CELF4: variants seen among roughly 807,000 people sequenced by gnomAD.
The protein encoded by CELF4 is CUGBP Elav-like family member 4, also known as CUG-BP- and ETR-3-like factor 4.
A neutral mutation model predicts 59.9 loss-of-function variants in CELF4; 18 were observed. The observed-to-expected ratio is 0.30, with a 90% CI of 0.21 to 0.45. CELF4 has a LOEUF of 0.45. Ranked by LOEUF, CELF4 falls within the 20% of genes least tolerant of loss-of-function variation. The pLI is 1.00. For missense variants in CELF4, 456 were observed against 689.0 expected (o/e 0.66, Z 3.79); for synonymous variants, 261 against 267.1 (o/e 0.98, Z 0.22).
chr18:37,340,682 T>C (rs1569566964), intron 2 of CELF4, among the ~76,000 whole-genome samples: 1 of 152,182 alleles, frequency 6.6e-6, no homozygotes, highest in South Asian at 2.1e-4. Flanking sequence ...CAGAGGTGTG[T>C]TGGGTTTTCT....
chr18:37,390,316 G>A (rs547021936), intron 2 of CELF4, among the ~76,000 whole-genome samples: 2 of 152,208 alleles, frequency 1.3e-5, no homozygotes, highest in Non-Finnish European at 2.9e-5. Context: ...CTGGGGATGA[G>A]AGAACTGGGA....
At chr18:37,414,915 C>A (rs1255299046) in intron 2 of CELF4, among the ~76,000 whole-genome samples, 1 of 152,190 alleles carries the variant, frequency 6.6e-6, no homozygotes, top group African/African-American at 2.4e-5. Flanking sequence ...TATCCATCTC[C>A]CCACTCATCC....
chr18:37,549,105 C>T (rs2099982342), intron 1 of CELF4, among the ~76,000 whole-genome samples: 1 of 152,242 alleles, frequency 6.6e-6, no homozygotes, highest in African/African-American at 2.4e-5. Flanking sequence ...AGGAAGCAGA[C>T]TACCCTTCTC....
At chr18:37,283,388 C>A (rs1363749531) in intron 3 of CELF4, among the ~76,000 whole-genome samples, 1 of 152,106 alleles carries the variant, frequency 6.6e-6, no homozygotes, top group Non-Finnish European at 1.5e-5. Context: ...ACTCTGAGAA[C>A]AAGCCAAGTC....
chr18:37,510,339 G>A (rs763429149), intron 1 of CELF4, among the ~76,000 whole-genome samples: 5 of 152,170 alleles, frequency 3.3e-5, no homozygotes, highest in Non-Finnish European at 7.3e-5. Flanking sequence ...GACCCAGCTG[G>A]CCAATCTGCT....
At chr18:37,317,964 C>T (rs1011412434) in intron 3 of CELF4, among the ~76,000 whole-genome samples, 3 of 152,236 alleles carry the variant, frequency 2.0e-5, no homozygotes, top group African/African-American at 7.2e-5. Flanking sequence ...CAGTGGGCTG[C>T]AGCCTGCTCT....
At chr18:37,370,934 C>A (rs11662208) in intron 2 of CELF4, among the ~76,000 whole-genome samples, 373 of 152,290 alleles carry the variant, frequency 2.4e-3, no homozygotes, top group Non-Finnish European at 3.9e-3. Context: ...GGATGTCACA[C>A]GTGTCTTCAA....
intron 2 of CELF4, among the ~76,000 whole-genome samples, chr18:37,414,313 C>T (rs75387099): frequency 0.017 from 2,646 of 151,626 alleles, 78 homozygotes; most frequent in African/African-American, 0.06. Flanking sequence ...CATCTACCCA[C>T]CTACCCATTC....
intron 2 of CELF4, among the ~76,000 whole-genome samples, chr18:37,346,232 C>T (rs2098254517): frequency 6.6e-6 from 1 of 152,212 alleles, no homozygotes; most frequent in Non-Finnish European, 1.5e-5. Flanking sequence ...TGCATTCCGG[C>T]ATCACTTTAG....
At chr18:37,339,403 G>A (rs1453726013) in intron 2 of CELF4, among the ~76,000 whole-genome samples, 1 of 152,214 alleles carries the variant, frequency 6.6e-6, no homozygotes, top group African/African-American at 2.4e-5. Context: ...CAGATGGATA[G>A]GTGGATGCAT....
In CELF4 at chr18:37,530,199, G is replaced by A. The variant is rs373175140; in HGVS notation, c.286+35157C>T. Among the ~76,000 whole-genome samples the A allele has an allele frequency of 1.8e-4, 28 of 152,276 alleles. No homozygotes were observed. In the East Asian group the frequency reaches 2.7e-3, roughly 15 times the overall value. ...CATAATAAGACTGACATGTACACAG[G>A]TTCTTCATACAGGTGATTTCATTTA... On this transcript the variant is annotated intron_variant, in intron 1 of 12. Transcript: ENST00000420428.
rs1217369448 is a variant in CELF4, at chr18:37,543,696, T to A, written c.286+21660A>T. On this transcript the variant is annotated intron_variant, in intron 1 of 12. Transcript: ENST00000420428. ...CTGGGGAGTGGGAATATGGGTGTCC[T>A]CTTCTTGCTACATTGTCATCTTGTT... Among the ~76,000 whole-genome samples the A allele has an allele frequency of 2.0e-5, 3 of 152,244 alleles. No homozygotes were observed. The East Asian group carries it at 5.8e-4, about 29-fold the overall frequency.
intron 2 of CELF4, among the ~76,000 whole-genome samples, chr18:37,345,771 G>A (rs548478557): frequency 2.1e-4 from 32 of 152,128 alleles, no homozygotes; most frequent in Admixed American, 1.2e-3. Flanking sequence ...GGAGGCTGGG[G>A]ACCCCTGATA....
chr18:37,478,950 G>T (rs1184685555), intron 2 of CELF4, among the ~76,000 whole-genome samples: 1 of 152,186 alleles, frequency 6.6e-6, no homozygotes, highest in East Asian at 1.9e-4. Context: ...GGTATGGGCT[G>T]GAGAAATGCC....
chr18:37,406,367 G>A (rs2099389315), intron 2 of CELF4, among the ~76,000 whole-genome samples: 1 of 152,120 alleles, frequency 6.6e-6, no homozygotes, highest in African/African-American at 2.4e-5. Context: ...CCACAGGATA[G>A]CTCACTAAAA....
intron 12 of CELF4, among the ~76,000 whole-genome samples, chr18:37,251,752 C>T (rs2065655226): frequency 6.6e-6 from 1 of 152,214 alleles, no homozygotes; most frequent in Non-Finnish European, 1.5e-5. Context: ...CTGCAAGCTG[C>T]CTCCTGGTGT....
At chr18:37,476,589 T>G (rs754398699) in intron 2 of CELF4, among the ~76,000 whole-genome samples, 12 of 152,208 alleles carry the variant, frequency 7.9e-5, no homozygotes, top group Non-Finnish European at 1.6e-4. Flanking sequence ...GCTTGCCCAT[T>G]TTTGATGGCA....
intron 1 of CELF4, among the ~76,000 whole-genome samples, chr18:37,522,109 C>A (rs537137501): frequency 1.3e-5 from 2 of 149,808 alleles, no homozygotes; most frequent in East Asian, 1.9e-4. Context: ...GGTGGACATG[C>A]GAAGGTTGAA....
At chr18:37,484,810 A>G (rs2099877426) in intron 2 of CELF4, among the ~76,000 whole-genome samples, 2 of 152,214 alleles carry the variant, frequency 1.3e-5, no homozygotes, top group Non-Finnish European at 2.9e-5. Flanking sequence ...CGTCAACACT[A>G]TATTTAGAAA....
Sources: allele counts gnomAD v4.1 joint callset (sites outside exome capture counted in the v4.1 genomes callset), GRCh38; gene constraint gnomAD v4.1.1; transcripts MANE v1.5; gene names NCBI Gene and HGNC (gene_info 2026-07-23, HGNC 2026-07-21).